Variants in ICA1 observed in about 807,000 individuals in gnomAD.
ICA1 encodes islet cell autoantigen 1, also known as 69 kDa islet cell autoantigen.
ICA1 carries 40 observed loss-of-function variants against 71.0 expected under a neutral mutation model. That is an observed-to-expected ratio of 0.56 (90% CI 0.44 to 0.73). ICA1 has a LOEUF of 0.73. Among genes scored for constraint, ICA1 ranks in the 30% least tolerant of loss-of-function variants. The pLI, the probability that ICA1 is intolerant of heterozygous loss-of-function variation, is 0.00. For synonymous variants in ICA1, 207 were observed against 209.5 expected, an observed-to-expected ratio of 0.99 and a Z score of 0.10; for missense variants, 578 against 576.5, an observed-to-expected ratio of 1.00 and a Z score of -0.03.
At chr7:8,140,025 A>C (rs3807843) in intron 10 of ICA1, among the ~76,000 whole-genome samples, 1 of 152,106 alleles carries the variant, frequency 6.6e-6, no homozygotes, top group African/African-American at 2.4e-5. Flanking sequence ...CAAATACCAC[A>C]AGCAATTATA....
intron 1 of ICA1, among the ~76,000 whole-genome samples, chr7:8,260,094 G>A (rs556969549): frequency 1.4e-4 from 22 of 152,102 alleles, no homozygotes; most frequent in East Asian, 7.7e-4. Context: ...TGACACTTGG[G>A]GCCTGTTAAC....
At chr7:8,154,478 G>T (rs539095835) in intron 8 of ICA1, among the ~76,000 whole-genome samples, 94 of 152,234 alleles carry the variant, frequency 6.2e-4, no homozygotes, top group African/African-American at 2.1e-3. Context: ...AATACACCCT[G>T]AAGCAAAGAA....
At chr7:8,246,428 A>C (rs370188928) in intron 1 of ICA1, among the ~76,000 whole-genome samples, 4 of 152,350 alleles carry the variant, frequency 2.6e-5, no homozygotes, top group African/African-American at 9.6e-5. Context: ...TCTGTGTCTA[A>C]GGCAGAAATA....
At chr7:8,119,189 G>C (rs73674820) in intron 13 of ICA1, among the ~76,000 whole-genome samples, 2 of 151,998 alleles carry the variant, frequency 1.3e-5, no homozygotes, top group Admixed American at 1.3e-4. Flanking sequence ...TCGATCCTAT[G>C]GTCCTCTGAC....
chr7:8,126,550 CTTTT>C (rs541088534), intron 13 of ICA1, among the ~76,000 whole-genome samples: 6 of 148,360 alleles, frequency 4.0e-5, no homozygotes, highest in Non-Finnish European at 6.0e-5. Context: ...AAAAAAAAGA[CTTTT>C]TTTTTTGTCT....
chr7:8,156,827 T>G, intron 8 of ICA1: 3 of 1,480,956 alleles, frequency 2.0e-6, no homozygotes, highest in Non-Finnish European at 2.7e-6. Context: ...TAGACTCAAG[T>G]TCACCACAAT....
intron 1 of ICA1, among the ~76,000 whole-genome samples, chr7:8,251,378 A>G (rs1452134875): frequency 6.6e-6 from 1 of 150,772 alleles, no homozygotes; most frequent in Non-Finnish European, 1.5e-5. Context: ...ATCCATGACT[A>G]TGTCACACAC....
chr7:8,235,919 C>T lies in ICA1; in HGVS notation c.8G>A (p.Gly3Glu). Reference protein sequence around the residue: MSGHKCSYPWDLQ... With the variant: MSEHKCSYPWDLQ... ...ATGACAAATTACTTACCATTTGTGTCCTGACATGTTTTCTTCTTCTTCTAT... is the reference window on the plus strand; with the variant it reads ...ATGACAAATTACTTACCATTTGTGTTCTGACATGTTTTCTTCTTCTTCTAT... The change falls in exon 2 of 14, where the codon GGA becomes GAA. Residue 3 changes from glycine to glutamate, a missense_variant. By Grantham distance (98) the Gly-to-Glu change is moderately conservative. Coordinates refer to ENST00000402384, the MANE Select transcript of ICA1 (RefSeq NM_001136020.3). The T allele has an allele frequency of 6.2e-7, 1 of 1,613,096 alleles. No individual in the cohort carries two copies. Among genetic ancestry groups the T allele is most frequent in the Non-Finnish European group, 8.5e-7 (1 of 1,179,584 alleles).
At chr7:8,216,083 CA>C (rs1421540707) in intron 6 of ICA1, among the ~76,000 whole-genome samples, 1 of 152,340 alleles carries the variant, frequency 6.6e-6, no homozygotes, top group Middle Eastern at 3.4e-3. Context: ...TTCTTACCTG[CA>C]AAACCACATA....
intron 12 of ICA1, among the ~76,000 whole-genome samples, chr7:8,129,379 A>T (rs539800133): frequency 0.092 from 13,239 of 143,694 alleles, 831 homozygotes; most frequent in African/African-American, 0.2. Context: ...TTTTTTTTAA[A>T]AAAAAAAAAG....
intron 6 of ICA1, among the ~76,000 whole-genome samples, chr7:8,207,846 T>C (rs931401247): frequency 3.9e-5 from 6 of 152,226 alleles, no homozygotes; most frequent in African/African-American, 1.4e-4. Context: ...CAGTTTTCTA[T>C]TGGATCATTC....
intron 1 of ICA1, among the ~76,000 whole-genome samples, chr7:8,258,436 T>C (rs1414926947): frequency 1.3e-5 from 2 of 152,202 alleles, no homozygotes; most frequent in Non-Finnish European, 2.9e-5. Context: ...TTTCATGAAC[T>C]CATTCTAGCT....
chr7:8,174,459 C>T (rs374955732), intron 6 of ICA1, among the ~76,000 whole-genome samples: 52 of 151,826 alleles, frequency 3.4e-4, no homozygotes, highest in African/African-American at 1.2e-3. Context: ...ATAAAGTTGC[C>T]CCCCACATTA....
chr7:8,260,640 A>G (rs1364899691), intron 1 of ICA1, among the ~76,000 whole-genome samples: 1 of 152,264 alleles, frequency 6.6e-6, no homozygotes, highest in Non-Finnish European at 1.5e-5. Context: ...CAGTATTAGT[A>G]TAAAACCAAA....
chr7:8,201,681 T>C (rs1265438677), intron 6 of ICA1, among the ~76,000 whole-genome samples: 1 of 152,158 alleles, frequency 6.6e-6, no homozygotes, highest in Non-Finnish European at 1.5e-5. Context: ...TTTTGTGGTA[T>C]GGAGAAGAAA....
At chr7:8,147,299 T>C (rs1797365999) in intron 8 of ICA1, among the ~76,000 whole-genome samples, 1 of 152,152 alleles carries the variant, frequency 6.6e-6, no homozygotes, top group South Asian at 2.1e-4. Context: ...CCCCTTCCCC[T>C]GTTGGCCCAT....
chr7:8,256,453 C>T (rs1038835782), intron 1 of ICA1, among the ~76,000 whole-genome samples: 2 of 152,164 alleles, frequency 1.3e-5, no homozygotes, highest in Non-Finnish European at 2.9e-5. Flanking sequence ...ATATACTATG[C>T]ACTTCAAGGA....
chr7:8,177,727 C>A (rs947252823), intron 6 of ICA1, among the ~76,000 whole-genome samples: 1 of 152,214 alleles, frequency 6.6e-6, no homozygotes, highest in Non-Finnish European at 1.5e-5. Context: ...ACACAACTCA[C>A]ATCCACAAAT....
rs56773343 is a variant in ICA1, at chr7:8,197,574, A to AAATAATAAT, written c.579+20722_579+20730dup. Among the ~76,000 whole-genome samples, 956 of 129,596 alleles carry AAATAATAAT rather than the reference A, an allele frequency of 7.4e-3. 6 individuals carry two copies. The highest frequency in any genetic ancestry group is 0.012 in the Admixed American group (150 of 12,368). The allele number at this position is 129,596 out of a possible 152,430, so 85.0% of individuals were successfully genotyped here. On this transcript the variant is annotated intron_variant, in intron 6 of 13. Coordinates refer to ENST00000402384, the MANE Select transcript of ICA1 (RefSeq NM_001136020.3). ...AAAAAAAAAAAAAAGAAGAAAGAAG[A>AAATAATAAT]AATAATAATAATAATAATAATAATA...
Sources: gnomAD v4.1 joint callset for allele counts (sites outside exome capture counted in the v4.1 genomes callset) on GRCh38, gnomAD v4.1.1 for gene constraint, MANE v1.5 for transcripts, NCBI Gene and HGNC (gene_info 2026-07-23, HGNC 2026-07-21) for gene names.